GRIK4: variants seen among roughly 807,000 people sequenced by gnomAD.
The protein encoded by GRIK4 is glutamate ionotropic receptor kainate type subunit 4, also known as glutamate receptor ionotropic, kainate 4.
A neutral mutation model predicts 104.9 loss-of-function variants in GRIK4; 40 were observed. The observed-to-expected ratio is 0.38, with a 90% CI of 0.30 to 0.50. The LOEUF is 0.50. Ranked by LOEUF, GRIK4 falls within the 20% of genes least tolerant of loss-of-function variation. The probability of loss-of-function intolerance (pLI) is 0.93; values close to 1 mark genes in which losing one functional copy is unlikely to be tolerated. For missense variants in GRIK4, 1,047 were observed against 1,308.1 expected, an observed-to-expected ratio of 0.80 and a Z score of 3.08; for synonymous variants, 485 against 524.9, an observed-to-expected ratio of 0.92 and a Z score of 1.04.
intron 4 of GRIK4, among the ~76,000 whole-genome samples, chr11:120,808,562 C>G (rs1251200160): frequency 6.6e-6 from 1 of 152,154 alleles, no homozygotes. Context: ...CCAGGGGGCC[C>G]GTCATGGGGC....
chr11:120,882,525 G>A (rs528225416), intron 11 of GRIK4, among the ~76,000 whole-genome samples: 15 of 152,318 alleles, frequency 9.8e-5, no homozygotes, highest in African/African-American at 3.4e-4. Context: ...AGGAAACTTC[G>A]AGACGGCAGA....
rs1212567015 is a variant in GRIK4 at position 120,902,108 on chromosome 11, TA to T, written c.1273-3178del. Among the ~76,000 whole-genome samples, 2 of 152,198 alleles carry T rather than the reference TA, an allele frequency of 1.3e-5. No individual in the cohort carries two copies. The highest frequency in any genetic ancestry group is 2.4e-5 in the African/African-American group (1 of 41,432). ...TGGTAATCCCGAATGATTTATCCCTTAAAACTCAGCACACATTCATGTTGTC... is the reference window on the plus strand; with the variant it reads ...TGGTAATCCCGAATGATTTATCCCTTAAACTCAGCACACATTCATGTTGTC... On this transcript the variant is annotated intron_variant, in intron 12 of 20. Transcript: ENST00000527524. The surrounding 1 kb of genome is among the most constrained non-coding windows in gnomAD (Gnocchi z 4.5).
chr11:120,790,423 C>T (rs770400326), intron 3 of GRIK4, among the ~76,000 whole-genome samples: 4 of 151,784 alleles, frequency 2.6e-5, no homozygotes, highest in South Asian at 4.2e-4. Context: ...ACCTGGGGCA[C>T]GGTGGGAATG....
intron 4 of GRIK4, among the ~76,000 whole-genome samples, chr11:120,813,319 C>T (rs562061242): frequency 6.6e-6 from 1 of 152,194 alleles, no homozygotes; most frequent in African/African-American, 2.4e-5. Context: ...CCAGTAAAAT[C>T]AGGAGATAAG....
At position 120,902,619 on chromosome 11, in the gene GRIK4, G is replaced by A. The variant is rs145993631; in HGVS notation, c.1273-2671G>A. Among the ~76,000 whole-genome samples, 908 of 152,246 alleles carry A rather than the reference G, an allele frequency of 6.0e-3. 10 individuals are homozygous for A. Among genetic ancestry groups the A allele is most frequent in the African/African-American group, 0.019 (774 of 41,520 alleles). On this transcript the variant is annotated intron_variant, in intron 12 of 20. Transcript: ENST00000527524. The surrounding 1 kb of genome is among the most constrained non-coding windows in gnomAD (Gnocchi z 4.5). ...GTGCTTAATGCTGAGCCAGGTAGGG[G>A]AACCAAGCAGGTGACGAGTCTGTCC...
chr11:120,971,349 A>G (rs1944472119), intron 19 of GRIK4, among the ~76,000 whole-genome samples: 1 of 152,244 alleles, frequency 6.6e-6, no homozygotes. Context: ...TTGATGAAAC[A>G]ATGAACAACA....
intron 3 of GRIK4, among the ~76,000 whole-genome samples, chr11:120,735,569 T>G (rs1440170703): frequency 6.6e-6 from 1 of 151,906 alleles, no homozygotes; most frequent in Non-Finnish European, 1.5e-5. Context: ...ATCAAGGCCC[T>G]AGGGCTCTAC....
intron 3 of GRIK4, among the ~76,000 whole-genome samples, chr11:120,738,911 G>C (rs532862818): frequency 2.0e-5 from 3 of 152,360 alleles, no homozygotes; most frequent in South Asian, 2.1e-4. Context: ...AGCTTTTGGA[G>C]ACGCAGCCGG....
In GRIK4 at chr11:120,940,505, G is replaced by A. The variant is rs541089223; in HGVS notation, c.1590+45G>A. On this transcript the variant is annotated intron_variant, in intron 14 of 20. Coordinates refer to ENST00000527524, the MANE Select transcript of GRIK4 (RefSeq NM_014619.5). The surrounding 1 kb of genome is among the most constrained non-coding windows in gnomAD (Gnocchi z 4.3). Reference sequence around the variant, plus strand: ...AGCATTTATGTCATTAAAGTTATTTGCATGCAAACACTGAGTTATACGGGA... The same window carrying A: ...AGCATTTATGTCATTAAAGTTATTTACATGCAAACACTGAGTTATACGGGA... 3 of 1,054,300 alleles carry A rather than the reference G, an allele frequency of 2.8e-6. No individual in the cohort carries two copies. The highest frequency in any genetic ancestry group is 2.4e-5 in the East Asian group (1 of 42,320). 65.3% of individuals were successfully genotyped at this position (1,054,300 alleles called of 1,614,324 possible).
rs376329239 is a variant in GRIK4 at position 120,627,604 on chromosome 11, C to T, written c.-158-26081C>T. 7.2e-5 allele frequency among the ~76,000 whole-genome samples: 11 copies of T among 152,190 alleles called. No individual in the cohort carries two copies. The South Asian group carries it at 8.3e-4, about 11-fold the overall frequency. On this transcript the variant is annotated intron_variant, in intron 1 of 20. Transcript: ENST00000527524. ...TCCTGGAGACAGTGGTTTCCTGGGGCCCAGGAGGCAGGCCCTGCTGGGGCA... is the reference window on the plus strand; with the variant it reads ...TCCTGGAGACAGTGGTTTCCTGGGGTCCAGGAGGCAGGCCCTGCTGGGGCA...
intron 1 of GRIK4, among the ~76,000 whole-genome samples, chr11:120,579,548 A>C (rs1310633827): frequency 6.6e-6 from 1 of 152,180 alleles, no homozygotes; most frequent in Non-Finnish European, 1.5e-5. Context: ...ACTTTGGAGG[A>C]GTTTAAGCAG....
At chr11:120,842,335 G>A (rs1273989864) in intron 8 of GRIK4, among the ~76,000 whole-genome samples, 1 of 152,198 alleles carries the variant, frequency 6.6e-6, no homozygotes, top group African/African-American at 2.4e-5. Context: ...ACATGGGAGG[G>A]TTTATGGGTC....
chr11:120,636,544 A>G (rs991622067), intron 1 of GRIK4, among the ~76,000 whole-genome samples: 2 of 152,102 alleles, frequency 1.3e-5, no homozygotes, highest in Non-Finnish European at 2.9e-5. Context: ...TCTTCCCTAG[A>G]AAGACTGCTA....
rs112294633 is a variant in GRIK4 at position 120,770,371 on chromosome 11, G to C, written c.83-32322G>C. Among the ~76,000 whole-genome samples, 161 of 152,312 alleles carry C rather than the reference G, an allele frequency of 1.1e-3. 2 individuals are homozygous for C. Among genetic ancestry groups the C allele is most frequent in the African/African-American group, 3.7e-3 (155 of 41,558 alleles). ...AAACTGGGAAGTCACCCAAAGTTAA[G>C]CTTCTGGCTCTAGCCATCCTTTCTA... On this transcript the variant is annotated intron_variant, in intron 3 of 20. Coordinates refer to ENST00000527524, the MANE Select transcript of GRIK4 (RefSeq NM_014619.5).
chr11:120,552,426 G>A (rs914501488), intron 1 of GRIK4, among the ~76,000 whole-genome samples: 2 of 152,192 alleles, frequency 1.3e-5, no homozygotes, highest in African/African-American at 4.8e-5. Flanking sequence ...TCTGATGGAT[G>A]GAGAGACAAG....
chr11:120,713,875 AT>A (rs1396460817), intron 3 of GRIK4, among the ~76,000 whole-genome samples: 6 of 152,276 alleles, frequency 3.9e-5, no homozygotes, highest in South Asian at 2.1e-4. Context: ...AGAGGGGGAA[AT>A]TGAGTCGAGA....
chr11:120,979,248 T>A (rs1944611208), intron 19 of GRIK4, among the ~76,000 whole-genome samples: 1 of 152,254 alleles, frequency 6.6e-6, no homozygotes, highest in Non-Finnish European at 1.5e-5. Flanking sequence ...CATTAATCTT[T>A]AAATTTAATA....
At chr11:120,612,880 G>A (rs193107188) in intron 1 of GRIK4, among the ~76,000 whole-genome samples, 57 of 152,306 alleles carry the variant, frequency 3.7e-4, no homozygotes, top group Non-Finnish European at 7.1e-4. Context: ...CCTGAGCGGG[G>A]CAGGGAACAC....
intron 3 of GRIK4, among the ~76,000 whole-genome samples, chr11:120,707,064 C>T (rs1442925433): frequency 2.6e-5 from 4 of 152,168 alleles, no homozygotes; most frequent in Non-Finnish European, 5.9e-5. Context: ...TTTTTGTTTT[C>T]ATCAACATTG....
Sources: gnomAD v4.1 joint callset for allele counts (sites outside exome capture counted in the v4.1 genomes callset) on GRCh38, gnomAD v4.1.1 for gene constraint, Gnocchi (gnomAD v3.1) non-coding constraint, MANE v1.5 for transcripts, NCBI Gene and HGNC (gene_info 2026-07-23, HGNC 2026-07-21) for gene names.